The following CACNA2D3 variants were observed in gnomAD, a reference collection of about 807,000 sequenced individuals.
CACNA2D3 encodes the protein voltage-dependent calcium channel subunit alpha-2/delta-3.
CACNA2D3 carries 60 observed loss-of-function variants against 160.6 expected under a neutral mutation model. The observed-to-expected ratio is 0.37, with a 90% confidence interval of 0.30 to 0.46. The LOEUF (loss-of-function observed/expected upper bound fraction) is 0.46. Among genes scored for constraint, CACNA2D3 ranks in the 20% least tolerant of loss-of-function variants. CACNA2D3 has a pLI of 1.00. For missense variants in CACNA2D3, 1,205 were observed against 1,365.0 expected, an observed-to-expected ratio of 0.88 and a Z score of 1.85; for synonymous variants, 558 against 492.9, an observed-to-expected ratio of 1.13 and a Z score of -1.75.
intron 29 of CACNA2D3, among the ~76,000 whole-genome samples, chr3:54,979,523 C>T (rs560155439): frequency 2.2e-4 from 34 of 152,224 alleles, no homozygotes; most frequent in Non-Finnish European, 4.3e-4. Context: ...ATAGTTTACT[C>T]AATTGTTAAA....
chr3:54,737,921 C>T (rs1701565712), intron 11 of CACNA2D3, among the ~76,000 whole-genome samples: 1 of 152,148 alleles, frequency 6.6e-6, no homozygotes, highest in African/African-American at 2.4e-5. Flanking sequence ...CTGTCTCGGC[C>T]TCCCAAAGTG....
rs979360900 is a variant in CACNA2D3 at position 55,074,525 on chromosome 3, G to GTAC, written c.*321_*323dup. 3.4e-5 allele frequency: 8 copies of GTAC among 236,688 alleles called. No homozygotes were observed. Among genetic ancestry groups the GTAC allele is most frequent in the East Asian group, 3.0e-4 (3 of 10,142 alleles). The allele number at this position is 236,688 out of a possible 1,614,324, so 14.7% of individuals were successfully genotyped here. A position where few individuals can be genotyped will look rare whatever the true frequency, so the allele number is the denominator to read the frequency against. Reference sequence around the variant, plus strand: ...CCTATTGAAACCAATTTAAAACTGTGTACTTTTTAAATAAAGTATATTAAA... The same window carrying GTAC: ...CCTATTGAAACCAATTTAAAACTGTGTACTACTTTTTAAATAAAGTATATTAAA... On this transcript the variant is annotated 3_prime_UTR_variant, in exon 38 of 38. Transcript: ENST00000474759.
At chr3:54,742,702 A>G (rs1009674893) in intron 11 of CACNA2D3, among the ~76,000 whole-genome samples, 2 of 152,206 alleles carry the variant, frequency 1.3e-5, no homozygotes, top group Non-Finnish European at 2.9e-5. Context: ...TCTTTTCCCT[A>G]CTAGGGAATC....
intron 14 of CACNA2D3, among the ~76,000 whole-genome samples, chr3:54,817,077 T>A (rs538131788): frequency 6.6e-6 from 1 of 152,198 alleles, no homozygotes; most frequent in African/African-American, 2.4e-5. Flanking sequence ...CAAAGGACCC[T>A]ATAGTGGCCA....
At chr3:54,563,981 A>G (rs1399334129) in intron 6 of CACNA2D3, among the ~76,000 whole-genome samples, 1 of 152,250 alleles carries the variant, frequency 6.6e-6, no homozygotes, top group African/African-American at 2.4e-5. Flanking sequence ...AAATGTAAAC[A>G]ATAAGCATCC....
At chr3:54,664,101 G>A (rs1438976599) in intron 11 of CACNA2D3, among the ~76,000 whole-genome samples, 2 of 152,224 alleles carry the variant, frequency 1.3e-5, no homozygotes, top group African/African-American at 4.8e-5. Flanking sequence ...CCGAATCGGC[G>A]ATGGCAAAGA....
chr3:54,918,857 C>T (rs1700747901), intron 27 of CACNA2D3: 1 of 1,566,480 alleles, frequency 6.4e-7, no homozygotes, highest in African/African-American at 1.4e-5. Context: ...TTCCAGGTGT[C>T]TGGTGATTCA....
At position 54,197,600 on chromosome 3, in the gene CACNA2D3, A is replaced by G. The variant is rs574196882; in HGVS notation, c.204+74006A>G. ...GCCGGGAGGATGACTTGCAGGTAAA[A>G]TTCCTTCCCTGAGCCGTGTGTGTTG... On this transcript the variant is annotated intron_variant, in intron 2 of 37. Coordinates refer to ENST00000474759, the MANE Select transcript of CACNA2D3 (RefSeq NM_018398.3). The G allele has an allele frequency of 2.0e-5, 3 of 152,224 alleles. No individual in the cohort carries two copies. The East Asian group carries it at 5.8e-4, about 29-fold the overall frequency. 9.4% of individuals were successfully genotyped at this position (152,224 alleles called of 1,614,324 possible).
At chr3:54,935,132 C>T (rs1268759343) in intron 27 of CACNA2D3, among the ~76,000 whole-genome samples, 1 of 152,186 alleles carries the variant, frequency 6.6e-6, no homozygotes. Context: ...TAGGGTTTCC[C>T]TGACACTGTC....
chr3:54,774,175 G>C (rs1178489521), intron 13 of CACNA2D3, among the ~76,000 whole-genome samples: 1 of 152,140 alleles, frequency 6.6e-6, no homozygotes, highest in Non-Finnish European at 1.5e-5. Context: ...GTCTTGAGGC[G>C]TGACTAGATT....
chr3:54,177,044 T>G (rs952823247), intron 2 of CACNA2D3, among the ~76,000 whole-genome samples: 2 of 152,194 alleles, frequency 1.3e-5, no homozygotes, highest in Non-Finnish European at 2.9e-5. Flanking sequence ...GTATCAAATG[T>G]GTGTGAAATG....
At chr3:54,372,795 C>T (rs752932912) in intron 3 of CACNA2D3, among the ~76,000 whole-genome samples, 3 of 152,140 alleles carry the variant, frequency 2.0e-5, no homozygotes, top group Non-Finnish European at 2.9e-5. Flanking sequence ...GCATTAAAAA[C>T]GGGAGAGCCA....
intron 13 of CACNA2D3, among the ~76,000 whole-genome samples, chr3:54,792,316 C>T (rs1702773748): frequency 6.6e-6 from 1 of 152,088 alleles, no homozygotes; most frequent in African/African-American, 2.4e-5. Flanking sequence ...CTGTGGCATG[C>T]AGAATTTTGG....
chr3:54,318,135 T>C (rs562677448), intron 2 of CACNA2D3, among the ~76,000 whole-genome samples: 1 of 125,386 alleles, frequency 8.0e-6, no homozygotes, highest in South Asian at 2.5e-4. Flanking sequence ...GAGAAATCTT[T>C]TGTGTCTGCT....
intron 11 of CACNA2D3, among the ~76,000 whole-genome samples, chr3:54,728,097 A>T (rs1027105620): frequency 6.6e-6 from 1 of 152,088 alleles, no homozygotes; most frequent in African/African-American, 2.4e-5. Context: ...TGGAGTGTGT[A>T]TATCTTCTTG....
chr3:54,178,505 C>T (rs985911320), intron 2 of CACNA2D3, among the ~76,000 whole-genome samples: 3 of 152,176 alleles, frequency 2.0e-5, no homozygotes, highest in Non-Finnish European at 4.4e-5. Flanking sequence ...TTTCTGTGTG[C>T]TTTAGTAAGC....
intron 34 of CACNA2D3, 126 bp from the exon 35 acceptor site, chr3:55,018,080 G>T (rs138917950): frequency 1.0e-4 from 65 of 649,298 alleles, no homozygotes; most frequent in Admixed American, 6.5e-4. Flanking sequence ...AATGCATTAT[G>T]CTGTGCTAGA....
At chr3:54,665,387 T>C (rs1042210444) in intron 11 of CACNA2D3, among the ~76,000 whole-genome samples, 1 of 152,254 alleles carries the variant, frequency 6.6e-6, no homozygotes, top group Non-Finnish European at 1.5e-5. Context: ...GTCTGTCGCA[T>C]AGCATGGAGT....
intron 4 of CACNA2D3, among the ~76,000 whole-genome samples, chr3:54,499,758 A>G (rs1701259024): frequency 6.6e-6 from 1 of 152,084 alleles, no homozygotes; most frequent in Non-Finnish European, 1.5e-5. Flanking sequence ...ACACCGTATG[A>G]TTTCCATTCT....
Sources: gnomAD v4.1 joint callset for allele counts (sites outside exome capture counted in the v4.1 genomes callset) on GRCh38, gnomAD v4.1.1 for gene constraint, MANE v1.5 for transcripts, NCBI Gene and HGNC (gene_info 2026-07-23, HGNC 2026-07-21) for gene names.